Variants in ZSWIM5 observed in about 807,000 individuals in gnomAD.
ZSWIM5 encodes zinc finger SWIM domain-containing protein 5.
A neutral mutation model predicts 119.6 loss-of-function variants in ZSWIM5; 55 were observed. The observed-to-expected ratio is 0.46, with a 90% CI of 0.37 to 0.58. ZSWIM5 has a LOEUF of 0.58. Ranked by LOEUF, ZSWIM5 falls within the 20% of genes least tolerant of loss-of-function variation. The pLI, the probability that ZSWIM5 is intolerant of heterozygous loss-of-function variation, is 0.00. For synonymous variants in ZSWIM5, 537 were observed against 606.9 expected (o/e 0.88, Z 1.69); for missense variants, 1,193 against 1,512.8 (o/e 0.79, Z 3.51).
At chr1:45,036,522 T>G (rs1644985486) in intron 8 of ZSWIM5, among the ~76,000 whole-genome samples, 1 of 151,916 alleles carries the variant, frequency 6.6e-6, no homozygotes, top group Non-Finnish European at 1.5e-5. Flanking sequence ...ACCTGTCGAA[T>G]TTTTGTATTT....
At chr1:45,187,043 G>A (rs1482737196) in intron 1 of ZSWIM5, among the ~76,000 whole-genome samples, 3 of 151,948 alleles carry the variant, frequency 2.0e-5, no homozygotes, top group African/African-American at 2.4e-5. Context: ...ACTGATCTAC[G>A]GATTCGATAC....
intron 1 of ZSWIM5, among the ~76,000 whole-genome samples, chr1:45,101,365 T>C (rs1449605615): frequency 1.3e-5 from 2 of 152,184 alleles, no homozygotes; most frequent in African/African-American, 4.8e-5. Context: ...CCAGTTAGAA[T>C]GGTGATCATT....
intron 1 of ZSWIM5, among the ~76,000 whole-genome samples, chr1:45,138,253 C>T (rs560274113): frequency 3.3e-5 from 5 of 151,900 alleles, no homozygotes; most frequent in African/African-American, 1.2e-4. Context: ...CCTGTAATCC[C>T]AGCACTTTGG....
At position 45,087,868 on chromosome 1, in the gene ZSWIM5, G is replaced by C; in HGVS notation, c.952+13C>G. The stretch of plus-strand genomic sequence containing the variant: ...AAAGACCTTTTTTTTCAATAAAAAA[G>C]TTGTACAATTACCATTCACTTGGTT... On this transcript the variant is annotated intron_variant, in intron 2 of 13. Transcript: ENST00000359600. 1 of 1,568,814 alleles carries C rather than the reference G, an allele frequency of 6.4e-7. No individual in the cohort carries two copies. The highest frequency in any genetic ancestry group is 8.7e-7 in the Non-Finnish European group (1 of 1,155,012).
chr1:45,199,856 C>T (rs1004705381), intron 1 of ZSWIM5, among the ~76,000 whole-genome samples: 1 of 152,136 alleles, frequency 6.6e-6, no homozygotes, highest in African/African-American at 2.4e-5. Flanking sequence ...CAAAGTACTA[C>T]AGAAAGACTT....
chr1:45,175,564 C>T (rs1645975062), intron 1 of ZSWIM5, among the ~76,000 whole-genome samples: 1 of 152,046 alleles, frequency 6.6e-6, no homozygotes, highest in Non-Finnish European at 1.5e-5. Flanking sequence ...ATCCTCCCAC[C>T]TCAGCCTCCT....
At chr1:45,040,274 C>T in intron 7 of ZSWIM5, 118 bp downstream of exon 7, 2 of 1,072,728 alleles carry the variant, frequency 1.9e-6, no homozygotes, top group Non-Finnish European at 2.6e-6. Context: ...TAAAGTGAGG[C>T]ATTCCACACA....
chr1:45,059,247 T>C (rs896661087), intron 3 of ZSWIM5, among the ~76,000 whole-genome samples: 1 of 152,370 alleles, frequency 6.6e-6, no homozygotes, highest in African/African-American at 2.4e-5. Context: ...AAATGTTCAC[T>C]AACAGATGAA....
In ZSWIM5 at chr1:45,205,780, A is replaced by G; in HGVS notation, c.571T>C (p.Ser191Pro). The G allele has an allele frequency of 6.4e-7, 1 of 1,566,688 alleles. No individual in the cohort carries two copies. Among genetic ancestry groups the G allele is most frequent in the East Asian group, 2.4e-5 (1 of 41,352 alleles). ...RRGIRLLDSG[S>P]VENVLQVGFH... ...CCGACTTGCAGCACGTTCTCCACGGAGCCGCTGTCCAGCAGACGGATGCCC... is the reference window on the plus strand; with the variant it reads ...CCGACTTGCAGCACGTTCTCCACGGGGCCGCTGTCCAGCAGACGGATGCCC... The change falls in exon 1 of 14, where the codon TCC (serine) becomes CCC (proline). Residue 191 changes from serine (S) to proline (P), a missense_variant. Transcript: ENST00000359600.
At chr1:45,125,769 A>C (rs912737303) in intron 1 of ZSWIM5, among the ~76,000 whole-genome samples, 109 of 151,670 alleles carry the variant, frequency 7.2e-4, no homozygotes, top group African/African-American at 2.6e-3. Context: ...GTTTCACAAA[A>C]AAAAAAAAAA....
chr1:45,018,496 G>T lies in ZSWIM5; in HGVS notation c.3516C>A (p.Gly1172=). ...GCACCAGCAGCATCAACTTTTTCTT[G>T]CCTTTGTAGATCTGTTTGAGGTTGT... ...FIDNLKQIYK[G]KKKLMLLVRE... The change falls in exon 14 of 14, where the codon GGC becomes GGA. Residue 1172 remains glycine, a synonymous_variant. Coordinates refer to ENST00000359600, the MANE Select transcript of ZSWIM5 (RefSeq NM_020883.2). This position sits in a 1 kb window ranked among gnomAD's most constrained non-coding sequence, Gnocchi z 6.7. 2 of 1,614,148 alleles carry T rather than the reference G, an allele frequency of 1.2e-6. No individual in the cohort carries two copies.
intron 1 of ZSWIM5, among the ~76,000 whole-genome samples, chr1:45,121,540 T>A (rs142338582): frequency 7.9e-5 from 12 of 152,238 alleles, no homozygotes; most frequent in African/African-American, 2.9e-4. Context: ...TTGATTCTTC[T>A]TCACCCCAAA....
At chr1:45,170,613 G>A (rs570800158) in intron 1 of ZSWIM5, among the ~76,000 whole-genome samples, 2 of 150,268 alleles carry the variant, frequency 1.3e-5, no homozygotes, top group Non-Finnish European at 3.0e-5. Flanking sequence ...TCCTTTTGTA[G>A]AGACAGAGTC....
intron 1 of ZSWIM5, among the ~76,000 whole-genome samples, chr1:45,166,074 T>C (rs1553200277): frequency 6.6e-6 from 1 of 151,512 alleles, no homozygotes. Flanking sequence ...CTCAATAAAA[T>C]ACTGGCAAAC....
intron 1 of ZSWIM5, among the ~76,000 whole-genome samples, chr1:45,098,595 A>T (rs1400727778): frequency 1.3e-5 from 2 of 152,194 alleles, no homozygotes; most frequent in East Asian, 3.8e-4. Context: ...CAGAATATAC[A>T]TTCTTCTCAG....
Position 45,057,561 on chromosome 1 carries a change from T to C in ZSWIM5, c.1252+1048A>G, listed in dbSNP as rs915369195. On this transcript the variant is annotated intron_variant, in intron 4 of 13. Transcript: ENST00000359600. This position sits in a 1 kb window ranked among gnomAD's most constrained non-coding sequence, Gnocchi z 4.7. ...GCTAACTTCAAGTTCTTAAGGAACA[T>C]GCACTTTGAAGAAATAAAAGGACTT... Among the ~76,000 whole-genome samples, 1 of 152,176 alleles carries C rather than the reference T, an allele frequency of 6.6e-6. No homozygotes were observed.
intron 1 of ZSWIM5, among the ~76,000 whole-genome samples, chr1:45,133,645 T>C (rs1232506686): frequency 6.6e-6 from 1 of 152,070 alleles, no homozygotes; most frequent in African/African-American, 2.4e-5. Flanking sequence ...TTGGGTTTTG[T>C]TGCCATTGCT....
chr1:45,051,211 A>T lies in ZSWIM5; in HGVS notation c.1295T>A (p.Leu432Gln). ...CTGCAGCCAGCAGGATTTCTCCTCC[A>T]GTTTGCAGTGTGGATTTAAAATTAT... ...VCIILNPHCK[L>Q]EEKSCWLQQL... The change falls in exon 5 of 14, where the codon CTG (leucine) becomes CAG (glutamine). Residue 432 changes from leucine to glutamine, a missense_variant. Physicochemically the swap from Leu to Gln is moderately radical, Grantham distance 113. Transcript: ENST00000359600. The T allele has an allele frequency of 1.9e-6, 3 of 1,614,218 alleles. No individual in the cohort carries two copies. The highest frequency in any genetic ancestry group is 2.5e-6 in the Non-Finnish European group (3 of 1,180,034).
intron 1 of ZSWIM5, among the ~76,000 whole-genome samples, chr1:45,165,863 T>G (rs927262846): frequency 3.2e-4 from 49 of 152,192 alleles, no homozygotes; most frequent in African/African-American, 1.2e-3. Context: ...ACCAGATGGA[T>G]TCACAGCCGA....
Sources: allele counts gnomAD v4.1 joint callset (sites outside exome capture counted in the v4.1 genomes callset), GRCh38; gene constraint gnomAD v4.1.1; non-coding constraint Gnocchi (gnomAD v3.1); transcripts MANE v1.5; gene names NCBI Gene and HGNC (gene_info 2026-07-23, HGNC 2026-07-21).